The following CACNA1C variants were observed in gnomAD, a reference collection of about 807,000 sequenced individuals.
The protein encoded by CACNA1C is calcium voltage-gated channel subunit alpha1 C.
In CACNA1C, 30 loss-of-function variants were observed where a neutral mutation model predicts 229.0. That is an observed-to-expected ratio of 0.13 (90% CI 0.10 to 0.18). The LOEUF is 0.18. Ranked by LOEUF, CACNA1C falls within the 10% of genes least tolerant of loss-of-function variation. The pLI, the probability that CACNA1C is intolerant of heterozygous loss-of-function variation, is 1.00. For missense variants in CACNA1C, 1,658 were observed against 2,845.0 expected (o/e 0.58, Z 9.49); for synonymous variants, 1,114 against 1,132.5 (o/e 0.98, Z 0.33).
At chr12:2,655,474 G>A (rs1362755400) in intron 34 of CACNA1C, among the ~76,000 whole-genome samples, 1 of 152,190 alleles carries the variant, frequency 6.6e-6, no homozygotes, top group Non-Finnish European at 1.5e-5. Context: ...AAACCATTAG[G>A]GGAGCAAAAG....
intron 3 of CACNA1C, among the ~76,000 whole-genome samples, chr12:2,267,365 C>A (rs2082785158): frequency 6.6e-6 from 1 of 152,174 alleles, no homozygotes; most frequent in South Asian, 2.1e-4. Context: ...AGGTTAAGTG[C>A]TGTGCCCTAG....
At chr12:2,228,793 T>C (rs2063806954) in intron 3 of CACNA1C, among the ~76,000 whole-genome samples, 2 of 152,170 alleles carry the variant, frequency 1.3e-5, no homozygotes, top group Admixed American at 1.3e-4. Context: ...ACTTTTTCTG[T>C]CTTCTGCCTT....
intron 3 of CACNA1C, among the ~76,000 whole-genome samples, chr12:2,436,603 C>T (rs571190280): frequency 6.6e-6 from 1 of 152,288 alleles, no homozygotes; most frequent in Non-Finnish European, 1.5e-5. Context: ...GGCAGAGCAG[C>T]ATTTGTCTTC....
chr12:2,588,713 C>G (rs1317280057), intron 18 of CACNA1C, among the ~76,000 whole-genome samples: 1 of 152,198 alleles, frequency 6.6e-6, no homozygotes, highest in Non-Finnish European at 1.5e-5. Flanking sequence ...TCGGTATACC[C>G]TAATTATAGA....
In CACNA1C at chr12:2,486,065, C is replaced by A; in HGVS notation, c.758-39C>A. The A allele has an allele frequency of 6.5e-7, 1 of 1,543,034 alleles. No homozygotes were observed. ...ATGAGATGGCGTCAGCACGGTACCGCGGTGATGCTTGGTTCAGTGAGTGGC... is the reference window on the plus strand; with the variant it reads ...ATGAGATGGCGTCAGCACGGTACCGAGGTGATGCTTGGTTCAGTGAGTGGC... On this transcript the variant is annotated intron_variant, in intron 5 of 46. Transcript: ENST00000399655. This position sits in a 1 kb window ranked among gnomAD's most constrained non-coding sequence, Gnocchi z 4.9.
chr12:2,582,974 GC>G, intron 15 of CACNA1C, 32 bp downstream of exon 15: 4 of 1,455,310 alleles, frequency 2.7e-6, no homozygotes, highest in Non-Finnish European at 3.8e-6. Flanking sequence ...CACCCCTGCG[GC>G]CCCCAGCCCC....
chr12:2,308,880 A>G (rs1284099260), intron 3 of CACNA1C, among the ~76,000 whole-genome samples: 1 of 152,226 alleles, frequency 6.6e-6, no homozygotes, highest in African/African-American at 2.4e-5. Flanking sequence ...CCTGCAGGGT[A>G]CACTGCCAGT....
At chr12:2,648,383 CTG>C (rs1175890340) in intron 30 of CACNA1C, 90 bp from the exon 31 acceptor site, 34 of 1,189,446 alleles carry the variant, frequency 2.9e-5, no homozygotes, top group Non-Finnish European at 1.3e-6. Context: ...TCTTCTGCCA[CTG>C]TGTTGCTCCC....
At position 2,346,974 on chromosome 12, in the gene CACNA1C, C is replaced by T. The variant is rs1021687721; in HGVS notation, c.478-102002C>T. On this transcript the variant is annotated intron_variant, in intron 3 of 46. Coordinates refer to ENST00000399655, the MANE Select transcript of CACNA1C (RefSeq NM_000719.7). The surrounding 1 kb of genome is among the most constrained non-coding windows in gnomAD (Gnocchi z 4.4). ...GTATAACCCTTTCCACTGGCTGGGGCCACAGACCTTACAGGACTAAGAGGC... is the reference window on the plus strand; with the variant it reads ...GTATAACCCTTTCCACTGGCTGGGGTCACAGACCTTACAGGACTAAGAGGC... 6.6e-6 allele frequency among the ~76,000 whole-genome samples: 1 copy of T among 152,152 alleles called. No individual in the cohort carries two copies. The highest frequency in any genetic ancestry group is 1.5e-5 in the Non-Finnish European group (1 of 68,032).
At chr12:2,269,080 G>A (rs1427401119) in intron 3 of CACNA1C, among the ~76,000 whole-genome samples, 2 of 152,186 alleles carry the variant, frequency 1.3e-5, no homozygotes, top group African/African-American at 4.8e-5. Flanking sequence ...ACAGGGAGTA[G>A]CGGGCACATG....
chr12:2,610,832 G>A (rs1207282190), intron 28 of CACNA1C, 133 bp downstream of exon 28: 7 of 875,414 alleles, frequency 8.0e-6, no homozygotes, highest in East Asian at 2.6e-5. Flanking sequence ...GGAGAAAGAC[G>A]AGTGTTCTCT....
chr12:2,386,333 T>C (rs1165173467), intron 3 of CACNA1C, among the ~76,000 whole-genome samples: 2 of 152,078 alleles, frequency 1.3e-5, no homozygotes, highest in Non-Finnish European at 2.9e-5. Context: ...AGCAGCAGAG[T>C]TGAGAAGCAC....
intron 3 of CACNA1C, among the ~76,000 whole-genome samples, chr12:2,445,062 C>T (rs1262016354): frequency 6.6e-6 from 1 of 152,182 alleles, no homozygotes; most frequent in Non-Finnish European, 1.5e-5. Context: ...ACCCTCACTC[C>T]AGCCAAATCA....
rs903498331 is a variant in CACNA1C at position 2,348,519 on chromosome 12, G to A, written c.478-100457G>A. Among the ~76,000 whole-genome samples the A allele has an allele frequency of 3.9e-5, 6 of 152,230 alleles. No individual in the cohort carries two copies. The highest frequency in any genetic ancestry group is 2.1e-4 in the South Asian group (1 of 4,830). On this transcript the variant is annotated intron_variant, in intron 3 of 46. Transcript: ENST00000399655. This position sits in a 1 kb window ranked among gnomAD's most constrained non-coding sequence, Gnocchi z 4.7. ...GTTTAGGGCTACAAATAGTCTCCCC[G>A]AGGGAATGGGCTCATACGCCGGGTG... is the stretch of plus-strand genomic sequence containing the variant.
intron 30 of CACNA1C, among the ~76,000 whole-genome samples, chr12:2,643,924 C>T (rs1302951072): frequency 6.6e-6 from 1 of 152,200 alleles, no homozygotes; most frequent in Admixed American, 6.5e-5. Flanking sequence ...ACAGAACCAG[C>T]TGTTGTGTCT....
chr12:2,449,450 G>A (rs1452042338), intron 4 of CACNA1C, among the ~76,000 whole-genome samples: 1 of 152,214 alleles, frequency 6.6e-6, no homozygotes, highest in Admixed American at 6.5e-5. Flanking sequence ...TCCTCCCAGT[G>A]CGCAGGCTGG....
chr12:2,186,251 G>A (rs574085608), intron 3 of CACNA1C, among the ~76,000 whole-genome samples: 3 of 152,266 alleles, frequency 2.0e-5, no homozygotes, highest in Non-Finnish European at 2.9e-5. Context: ...CCGGCATTTA[G>A]TCACAGTCCC....
At chr12:2,145,683 G>T (rs1174385193) in intron 3 of CACNA1C, among the ~76,000 whole-genome samples, 4 of 151,332 alleles carry the variant, frequency 2.6e-5, no homozygotes, top group African/African-American at 4.8e-5. Flanking sequence ...GTGGGCTTGT[G>T]AGGAAAACGC....
At position 2,290,676 on chromosome 12, in the gene CACNA1C, C is replaced by T. The variant is rs528050597; in HGVS notation, c.478-158300C>T. On this transcript the variant is annotated intron_variant, in intron 3 of 46. Transcript: ENST00000399655. ...CCTGGCTTTATTAGAGACATACACTCGGGGCTGCTCTACCCAGAATCCCTC... is the reference window on the plus strand; with the variant it reads ...CCTGGCTTTATTAGAGACATACACTTGGGGCTGCTCTACCCAGAATCCCTC... Among the ~76,000 whole-genome samples the T allele has an allele frequency of 7.2e-5, 11 of 152,246 alleles. No homozygotes were observed. The South Asian group carries it at 1.5e-3, about 20-fold the overall frequency.
Sources: gnomAD v4.1 joint callset for allele counts (sites outside exome capture counted in the v4.1 genomes callset) on GRCh38, gnomAD v4.1.1 for gene constraint, Gnocchi (gnomAD v3.1) non-coding constraint, MANE v1.5 for transcripts, NCBI Gene and HGNC (gene_info 2026-07-23, HGNC 2026-07-21) for gene names.